The following SHTN1 variants were observed in gnomAD, a reference collection of about 807,000 sequenced individuals.
The protein encoded by SHTN1 is shootin 1.
A neutral mutation model predicts 83.1 loss-of-function variants in SHTN1; 42 were observed. That is an observed-to-expected ratio of 0.51 (90% CI 0.39 to 0.65). The LOEUF is 0.65. Ranked by LOEUF, SHTN1 falls within the 30% of genes least tolerant of loss-of-function variation. The pLI, the probability that SHTN1 is intolerant of heterozygous loss-of-function variation, is 0.00. For synonymous variants in SHTN1, 224 were observed against 247.7 expected (o/e 0.90, Z 0.90); for missense variants, 622 against 737.8 (o/e 0.84, Z 1.82).
intron 16 of SHTN1, among the ~76,000 whole-genome samples, chr10:116,896,851 G>A (rs1198340573): frequency 6.7e-6 from 1 of 150,126 alleles, no homozygotes; most frequent in East Asian, 2.0e-4. Context: ...TGTGGCCCAG[G>A]CTGGGAGTGC....
At chr10:117,015,488 C>T (rs1260927386) in intron 2 of SHTN1, among the ~76,000 whole-genome samples, 4 of 152,102 alleles carry the variant, frequency 2.6e-5, no homozygotes, top group East Asian at 3.9e-4. Flanking sequence ...TGCACCACCA[C>T]GCCTGGCTAA....
intron 1 of SHTN1, among the ~76,000 whole-genome samples, chr10:117,057,074 C>A (rs1852835118): frequency 6.6e-6 from 1 of 152,122 alleles, no homozygotes; most frequent in African/African-American, 2.4e-5. Context: ...AAGAAATAAA[C>A]TGCCCCCATT....
chr10:117,122,507 ATAGT>A (rs1297441348), intron 1 of SHTN1, among the ~76,000 whole-genome samples: 1 of 152,192 alleles, frequency 6.6e-6, no homozygotes, highest in Non-Finnish European at 1.5e-5. Context: ...TTTTCGATCC[ATAGT>A]TAGTTGAAAC....
At chr10:116,991,002 T>C (rs1387443695) in intron 1 of SHTN1, among the ~76,000 whole-genome samples, 9 of 152,084 alleles carry the variant, frequency 5.9e-5, no homozygotes, top group Admixed American at 5.2e-4. Flanking sequence ...CTGACTAACA[T>C]GGTGAAACCC....
intron 1 of SHTN1, 124 bp downstream of exon 1, chr10:117,004,898 T>A (rs1851956885): frequency 2.6e-6 from 2 of 770,752 alleles, no homozygotes; most frequent in Non-Finnish European, 4.0e-6. Context: ...ACGGAGCTAC[T>A]GCGGTGACCA....
intron 2 of SHTN1, among the ~76,000 whole-genome samples, chr10:116,978,082 ACAAATGAG>A (rs2133478569): frequency 6.6e-6 from 1 of 152,292 alleles, no homozygotes; most frequent in Non-Finnish European, 1.5e-5. Flanking sequence ...GGATTTATTT[ACAAATGAG>A]CAAAGGAGCC....
chr10:117,005,640 C>T (rs1851992376), upstream of SHTN1: 2 of 961,636 alleles, frequency 2.1e-6, no homozygotes, highest in African/African-American at 1.8e-5. Context: ...GGCGCGGTTG[C>T]AAAACCTAGC....
At chr10:117,082,603 G>T (rs1201073261) in intron 1 of SHTN1, among the ~76,000 whole-genome samples, 2 of 152,128 alleles carry the variant, frequency 1.3e-5, no homozygotes, top group East Asian at 3.9e-4. Context: ...TTGAATTTCT[G>T]TCTCATTGAT....
intron 2 of SHTN1, among the ~76,000 whole-genome samples, chr10:116,971,842 T>C (rs1850630582): frequency 6.6e-6 from 1 of 152,246 alleles, no homozygotes; most frequent in Non-Finnish European, 1.5e-5. Context: ...TCCCTCTATG[T>C]AGCTCTCGAA....
chr10:116,924,150 C>T (rs914220655), intron 11 of SHTN1, among the ~76,000 whole-genome samples: 1 of 152,112 alleles, frequency 6.6e-6, no homozygotes, highest in African/African-American at 2.4e-5. Context: ...GAAATAAGCA[C>T]ATTTTATTCT....
At chr10:117,089,458 G>C (rs965939659) in intron 1 of SHTN1, among the ~76,000 whole-genome samples, 2 of 152,038 alleles carry the variant, frequency 1.3e-5, no homozygotes, top group African/African-American at 4.8e-5. Context: ...ATGGATCAAA[G>C]ACCTGAACTT....
chr10:117,054,043 A>C (rs1220719225), intron 1 of SHTN1, among the ~76,000 whole-genome samples: 1 of 152,194 alleles, frequency 6.6e-6, no homozygotes, highest in East Asian at 1.9e-4. Flanking sequence ...GAGTAGGAAA[A>C]TTCACACAGA....
At chr10:117,013,188 T>A (rs1448966526) in intron 2 of SHTN1, among the ~76,000 whole-genome samples, 1 of 152,170 alleles carries the variant, frequency 6.6e-6, no homozygotes, top group East Asian at 1.9e-4. Flanking sequence ...ATTTATTTAT[T>A]TTTTGAGACT....
intron 1 of SHTN1, among the ~76,000 whole-genome samples, chr10:117,065,331 CA>C (rs1852960789): frequency 6.6e-6 from 1 of 152,048 alleles, no homozygotes; most frequent in Non-Finnish European, 1.5e-5. Flanking sequence ...CATTAAAAAA[CA>C]AGAAAAGAAA....
At chr10:117,025,954 A>G (rs963677088) in intron 2 of SHTN1, among the ~76,000 whole-genome samples, 4 of 152,154 alleles carry the variant, frequency 2.6e-5, no homozygotes, top group African/African-American at 9.7e-5. Flanking sequence ...AGACTCTGAG[A>G]TGTGCTGGCT....
chr10:116,942,356 G>A (rs538652493), intron 8 of SHTN1, among the ~76,000 whole-genome samples: 1 of 152,116 alleles, frequency 6.6e-6, no homozygotes, highest in East Asian at 1.9e-4. Flanking sequence ...GGGACTACAG[G>A]TGCCTGCCAC....
chr10:116,919,818 G>C (rs918770811), intron 12 of SHTN1, among the ~76,000 whole-genome samples: 1 of 151,746 alleles, frequency 6.6e-6, no homozygotes, highest in African/African-American at 2.4e-5. Context: ...AATGTGCAGA[G>C]GAATAGATTC....
intron 1 of SHTN1, among the ~76,000 whole-genome samples, chr10:117,064,461 C>G (rs1852943789): frequency 6.6e-6 from 1 of 152,144 alleles, no homozygotes. Flanking sequence ...TGAGACCAGC[C>G]TGGCCAACAT....
chr10:116,910,418 A>G (rs996609658), intron 14 of SHTN1, among the ~76,000 whole-genome samples: 5 of 152,220 alleles, frequency 3.3e-5, no homozygotes, highest in African/African-American at 1.2e-4. Context: ...AAATTATTTC[A>G]CAAATTTCTC....
Sources: gnomAD v4.1 joint callset for allele counts (sites outside exome capture counted in the v4.1 genomes callset) on GRCh38, gnomAD v4.1.1 for gene constraint, MANE v1.5 for transcripts, NCBI Gene and HGNC (gene_info 2026-07-23, HGNC 2026-07-21) for gene names.